The following USP33 variants were observed in gnomAD, a reference collection of about 807,000 sequenced individuals.
The protein encoded by USP33 is ubiquitin specific peptidase 33.
USP33 carries 46 observed loss-of-function variants against 124.2 expected under a neutral mutation model. The ratio of observed to expected loss-of-function variants is 0.37; its 90% CI spans 0.29 to 0.47. The LOEUF is 0.47. Among genes scored for constraint, USP33 ranks in the 20% least tolerant of loss-of-function variants. The pLI is 0.99. For synonymous variants in USP33, 350 were observed against 352.3 expected (o/e 0.99, Z 0.07); for missense variants, 851 against 1,070.6 (o/e 0.79, Z 2.86).
chr1:77,730,522 T>C, intron 8 of USP33, 96 bp downstream of exon 8: 1 of 918,274 alleles, frequency 1.1e-6, no homozygotes, highest in Non-Finnish European at 1.5e-6. Context: ...TCTCTTCTAC[T>C]TTTTTCCGGC....
At chr1:77,754,965 A>G (rs1680665164) in intron 1 of USP33, among the ~76,000 whole-genome samples, 1 of 152,250 alleles carries the variant, frequency 6.6e-6, no homozygotes. Context: ...CCAATAATGA[A>G]TGGCAAAATA....
intron 18 of USP33, 142 bp downstream of exon 18, chr1:77,715,600 C>A: frequency 1.1e-6 from 1 of 904,190 alleles, no homozygotes; most frequent in Non-Finnish European, 1.6e-6. Flanking sequence ...CATATACAGC[C>A]TTTCACTGTA....
At chr1:77,700,758 T>A (rs1298606200) in intron 22 of USP33, among the ~76,000 whole-genome samples, 1 of 150,996 alleles carries the variant, frequency 6.6e-6, no homozygotes, top group African/African-American at 2.4e-5. Context: ...TGGAGTACAG[T>A]GGCATGATCT....
chr1:77,715,918 G>T (rs1675826642), intron 17 of USP33, 50 bp from the exon 18 acceptor site: 1 of 1,566,748 alleles, frequency 6.4e-7, no homozygotes. Context: ...AACAACAGAA[G>T]AAAGGAGGAT....
chr1:77,701,591 G>A (rs1674024411), intron 21 of USP33, 120 bp from the exon 22 acceptor site: 2 of 737,550 alleles, frequency 2.7e-6, no homozygotes, highest in Admixed American at 2.8e-5. Context: ...GGCAGGAGGA[G>A]TCCTTGAACC....
intron 7 of USP33, 90 bp downstream of exon 7, chr1:77,734,257 G>C (rs952893956): frequency 2.1e-6 from 2 of 956,314 alleles, no homozygotes; most frequent in Non-Finnish European, 3.1e-6. Context: ...TCTACCTTGA[G>C]TTAGTCAACT....
At chr1:77,754,122 T>A (rs1200970543) in intron 1 of USP33, among the ~76,000 whole-genome samples, 1 of 152,160 alleles carries the variant, frequency 6.6e-6, no homozygotes, top group African/African-American at 2.4e-5. Context: ...TCCCCATAAT[T>A]GTTACACAGA....
chr1:77,715,693 G>A (rs753042456), intron 18 of USP33, 49 bp downstream of exon 18: 3 of 1,591,956 alleles, frequency 1.9e-6, no homozygotes, highest in Non-Finnish European at 2.6e-6. Context: ...TCACTGATAA[G>A]CCCAAAATGT....
Position 77,730,613 on chromosome 1 carries a change from C to A in USP33, c.638+5G>T. The A allele has an allele frequency of 1.3e-6, 2 of 1,536,450 alleles. No homozygotes were observed. Among genetic ancestry groups the A allele is most frequent in the Non-Finnish European group, 1.8e-6 (2 of 1,140,634 alleles). ...TAAAGAAGAAGAGTATATTAAGTTA[C>A]ATACCTGCTTTTATGCCACAGCTCT... On this transcript the variant is annotated splice_donor_5th_base_variant and intron_variant, in intron 8 of 23. Coordinates refer to ENST00000370794, the MANE Select transcript of USP33 (RefSeq NM_201624.3).
intron 10 of USP33, among the ~76,000 whole-genome samples, chr1:77,726,122 G>T (rs942964759): frequency 2.6e-5 from 4 of 152,084 alleles, no homozygotes; most frequent in Non-Finnish European, 5.9e-5. Flanking sequence ...CCTCATTTTT[G>T]TATTTTTAGT....
intron 10 of USP33, among the ~76,000 whole-genome samples, chr1:77,727,732 C>T (rs1677324034): frequency 6.6e-6 from 1 of 152,168 alleles, no homozygotes; most frequent in Non-Finnish European, 1.5e-5. Context: ...AAACTACATA[C>T]CACATTTTAA....
intron 21 of USP33, among the ~76,000 whole-genome samples, chr1:77,711,213 T>C (rs1248659984): frequency 6.6e-6 from 1 of 151,268 alleles, no homozygotes; most frequent in Admixed American, 6.6e-5. Context: ...AAAAAAAGTA[T>C]TGTCAATCCA....
At chr1:77,732,059 G>A (rs562172001) in intron 7 of USP33, among the ~76,000 whole-genome samples, 1 of 149,424 alleles carries the variant, frequency 6.7e-6, no homozygotes, top group African/African-American at 2.5e-5. Context: ...AGCCATGATC[G>A]CTCCACTACA....
At chr1:77,736,618 T>TC (rs1678483197) in intron 5 of USP33, among the ~76,000 whole-genome samples, 2 of 151,506 alleles carry the variant, frequency 1.3e-5, no homozygotes, top group African/African-American at 4.9e-5. Context: ...TTTGCACACT[T>TC]TTTTTTTTCC....
intron 12 of USP33, 77 bp downstream of exon 12, chr1:77,723,254 T>C: frequency 9.2e-7 from 1 of 1,090,604 alleles, no homozygotes; most frequent in Non-Finnish European, 1.4e-6. Context: ...GGAATTAAAC[T>C]TTTCACATCA....
intron 21 of USP33, among the ~76,000 whole-genome samples, chr1:77,705,258 G>A (rs1197520627): frequency 1.3e-5 from 2 of 150,986 alleles, no homozygotes; most frequent in East Asian, 3.9e-4. Flanking sequence ...GCAGTGGTGC[G>A]ATCTCGGCTC....
At chr1:77,712,673 T>C (rs1254334954) in intron 20 of USP33, among the ~76,000 whole-genome samples, 1 of 151,916 alleles carries the variant, frequency 6.6e-6, no homozygotes, top group Non-Finnish European at 1.5e-5. Context: ...CCAGGCAACA[T>C]GGCAAAACCC....
At chr1:77,698,495 G>GT (rs1673648170) in intron 22 of USP33, among the ~76,000 whole-genome samples, 9 of 141,976 alleles carry the variant, frequency 6.3e-5, no homozygotes, top group Non-Finnish European at 1.1e-4. Flanking sequence ...TAACAGAAAT[G>GT]TTTTGTTTTT....
In USP33 at chr1:77,759,812, G is replaced by A. The variant is rs890527886; in HGVS notation, c.-221C>T. 3 of 397,204 alleles carry A rather than the reference G, an allele frequency of 7.6e-6. No homozygotes were observed. Among genetic ancestry groups the A allele is most frequent in the Non-Finnish European group, 8.9e-6 (2 of 225,186 alleles). The allele number at this position is 397,204 out of a possible 1,614,324, so 24.6% of individuals were successfully genotyped here. Reference sequence around the variant, plus strand: ...CCTCGGGGGGTCCGCCTCCTGAACTGGCCACTTCCCGCAGCAGCCGCGGCT... The same window carrying A: ...CCTCGGGGGGTCCGCCTCCTGAACTAGCCACTTCCCGCAGCAGCCGCGGCT... On this transcript the variant is annotated 5_prime_UTR_variant, in exon 1 of 24. Coordinates refer to ENST00000370794, the MANE Select transcript of USP33 (RefSeq NM_201624.3).
Sources: allele counts gnomAD v4.1 joint callset (sites outside exome capture counted in the v4.1 genomes callset), GRCh38; gene constraint gnomAD v4.1.1; transcripts MANE v1.5; gene names NCBI Gene and HGNC (gene_info 2026-07-23, HGNC 2026-07-21).